YWHAG: variants seen among roughly 807,000 people sequenced by gnomAD.
YWHAG encodes the protein 14-3-3 protein gamma.
In YWHAG, 1 loss-of-function variant was observed where a neutral mutation model predicts 23.3. The ratio of observed to expected loss-of-function variants is 0.04; its 90% CI spans 0.02 to 0.20. YWHAG has a LOEUF of 0.20. YWHAG is among the 10% of genes least tolerant of loss of function. The pLI is 1.00. For synonymous variants in YWHAG, 160 were observed against 144.0 expected (o/e 1.11, Z -0.80); for missense variants, 151 against 338.6 (o/e 0.45, Z 4.35).
chr7:76,341,468 A>G (rs1485122952), intron 1 of YWHAG, among the ~76,000 whole-genome samples: 2 of 151,600 alleles, frequency 1.3e-5, no homozygotes, highest in African/African-American at 2.4e-5. Context: ...GTTAGTCCTA[A>G]GAGCCAAAAG....
At chr7:76,333,162 G>A (rs1481171926) in intron 1 of YWHAG, among the ~76,000 whole-genome samples, 1 of 152,060 alleles carries the variant, frequency 6.6e-6, no homozygotes, top group African/African-American at 2.4e-5. Flanking sequence ...TAGAGACAAG[G>A]TCTTGCCATG....
chr7:76,355,089 A>T (rs1250611302), intron 1 of YWHAG, among the ~76,000 whole-genome samples: 1 of 152,214 alleles, frequency 6.6e-6, no homozygotes, highest in Non-Finnish European at 1.5e-5. Context: ...CCAGACCGGC[A>T]TCACTTTTTA....
intron 1 of YWHAG, among the ~76,000 whole-genome samples, chr7:76,338,797 T>C (rs1803650804): frequency 6.6e-6 from 1 of 152,342 alleles, no homozygotes; most frequent in South Asian, 2.1e-4. Flanking sequence ...CAAGGCTTCA[T>C]TGTGAAGGTG....
intron 1 of YWHAG, among the ~76,000 whole-genome samples, chr7:76,332,666 G>A (rs1047455137): frequency 4.0e-5 from 6 of 151,460 alleles, no homozygotes; most frequent in Non-Finnish European, 5.9e-5. Flanking sequence ...GACTACAGGT[G>A]TGCACCACCA....
intron 1 of YWHAG, among the ~76,000 whole-genome samples, chr7:76,338,660 T>G (rs1803649361): frequency 6.6e-6 from 1 of 152,066 alleles, no homozygotes; most frequent in Admixed American, 6.6e-5. Flanking sequence ...AGAGAATTTC[T>G]AAGATCAATC....
chr7:76,336,371 T>C (rs1803615087), intron 1 of YWHAG, among the ~76,000 whole-genome samples: 1 of 152,006 alleles, frequency 6.6e-6, no homozygotes, highest in South Asian at 2.1e-4. Flanking sequence ...GGAAGAAGGC[T>C]GTGCTTGTGT....
intron 1 of YWHAG, among the ~76,000 whole-genome samples, chr7:76,347,359 G>A (rs560907678): frequency 1.1e-4 from 17 of 152,324 alleles, no homozygotes; most frequent in South Asian, 4.1e-4. Flanking sequence ...CACTTTGGGA[G>A]GCCAAGGCAG....
chr7:76,355,360 G>A (rs1262779082), intron 1 of YWHAG, among the ~76,000 whole-genome samples: 1 of 152,238 alleles, frequency 6.6e-6, no homozygotes, highest in Non-Finnish European at 1.5e-5. Flanking sequence ...CAATGAGGAT[G>A]AACATTTAGC....
chr7:76,336,302 G>A (rs1488527660), intron 1 of YWHAG, among the ~76,000 whole-genome samples: 2 of 152,124 alleles, frequency 1.3e-5, no homozygotes, highest in Non-Finnish European at 2.9e-5. Flanking sequence ...TGTGGACCTT[G>A]GGTGATAATG....
Position 76,327,288 on chromosome 7 carries a change from C to T in YWHAG, c.*2289G>A, listed in dbSNP as rs1175496081. ...TTTTTGTCATAGGAATACATAACAC[C>T]TACAGTATAAGTTAATCAATTTCAA... On this transcript the variant is annotated 3_prime_UTR_variant, in exon 2 of 2. Coordinates refer to ENST00000307630, the MANE Select transcript of YWHAG (RefSeq NM_012479.4). 2.0e-5 allele frequency: 3 copies of T among 151,226 alleles called. No homozygotes were observed. The highest frequency in any genetic ancestry group is 4.4e-5 in the Non-Finnish European group (3 of 67,874). The allele number at this position is 151,226 out of a possible 1,614,324, so 9.4% of individuals were successfully genotyped here.
intron 1 of YWHAG, among the ~76,000 whole-genome samples, chr7:76,346,859 T>C (rs1202556742): frequency 1.3e-5 from 2 of 152,196 alleles, no homozygotes; most frequent in African/African-American, 4.8e-5. Flanking sequence ...CTTCGTGAAC[T>C]GTTTCCTGTT....
Position 76,329,509 on chromosome 7 carries a change from C to CCCCCACA in YWHAG, c.*67_*68insTGTGGGG. ...CCCTTTCCCTCCCCCACCCGACCCC[C>CCCCCACA]AACTCATGGGAAAAAAATAAAGACT... On this transcript the variant is annotated 3_prime_UTR_variant, in exon 2 of 2. Transcript: ENST00000307630. This position sits in a 1 kb window ranked among gnomAD's most constrained non-coding sequence, Gnocchi z 6.1. 1 of 1,421,576 alleles carries CCCCCACA rather than the reference C, an allele frequency of 7.0e-7. No homozygotes were observed. Among genetic ancestry groups the CCCCCACA allele is most frequent in the Non-Finnish European group, 9.4e-7 (1 of 1,069,516 alleles). 88.1% of individuals were successfully genotyped at this position (1,421,576 alleles called of 1,614,324 possible).
intron 1 of YWHAG, among the ~76,000 whole-genome samples, chr7:76,346,194 G>A (rs1803777181): frequency 6.6e-6 from 1 of 152,118 alleles, no homozygotes; most frequent in Admixed American, 6.6e-5. Context: ...TAACCCTGAT[G>A]ACCGCTCTTT....
intron 1 of YWHAG, among the ~76,000 whole-genome samples, chr7:76,356,641 T>TC (rs1483323461): frequency 6.6e-6 from 1 of 152,238 alleles, no homozygotes; most frequent in Non-Finnish European, 1.5e-5. Flanking sequence ...TTTCTTTTAT[T>TC]CCATAAATTA....
intron 1 of YWHAG, 122 bp downstream of exon 1, chr7:76,358,600 G>T: frequency 9.9e-7 from 1 of 1,007,550 alleles, no homozygotes; most frequent in Non-Finnish European, 1.4e-6. Flanking sequence ...GCCCCCCTCA[G>T]TGAGCGAGAC....
chr7:76,331,549 A>ATT (rs774893313), intron 1 of YWHAG, among the ~76,000 whole-genome samples: 10 of 140,654 alleles, frequency 7.1e-5, no homozygotes, highest in African/African-American at 2.3e-4. Context: ...TCTTTTTGCG[A>ATT]TTTTTTTTTT....
rs562261196 is a variant in YWHAG, at chr7:76,334,013, G to A, written c.88-3780C>T. The stretch of plus-strand genomic sequence containing the variant: ...GCTGTCCCCAGACACATTGGAACAA[G>A]GAGATTATGAAATGCCAGGATCACC... On this transcript the variant is annotated intron_variant, in intron 1 of 1. Transcript: ENST00000307630. Among the ~76,000 whole-genome samples, 19 of 152,324 alleles carry A rather than the reference G, an allele frequency of 1.2e-4. No individual in the cohort carries two copies. The South Asian group carries it at 3.7e-3, about 30-fold the overall frequency.
At position 76,329,617 on chromosome 7, in the gene YWHAG, C is replaced by G. The variant is rs1236846905; in HGVS notation, c.704G>C (p.Ser235Thr). 1.9e-6 allele frequency: 3 copies of G among 1,612,922 alleles called. No homozygotes were observed. The African/African-American group carries it at 4.0e-5, about 22-fold the overall frequency. ...GCCGCCATCGTCGTCCTGCTGGTCGCTCGTCCAGAGCGTGAGGTTGTCGCG... is the reference window on the plus strand; with the variant it reads ...GCCGCCATCGTCGTCCTGCTGGTCGGTCGTCCAGAGCGTGAGGTTGTCGCG... ...LLRDNLTLWT[S>T]DQQDDDGGEG... The change falls in exon 2 of 2, where the codon AGC becomes ACC. Residue 235 changes from serine to threonine, a missense_variant. Transcript: ENST00000307630. This position sits in a 1 kb window ranked among gnomAD's most constrained non-coding sequence, Gnocchi z 6.1.
Position 76,358,950 on chromosome 7 carries a change from C to T in YWHAG, c.-142G>A, listed in dbSNP as rs1396816137. The T allele has an allele frequency of 3.0e-5, 22 of 721,640 alleles. No individual in the cohort carries two copies. In the South Asian group the frequency reaches 5.4e-4, roughly 18 times the overall value. The allele number at this position is 721,640 out of a possible 1,614,324, so 44.7% of individuals were successfully genotyped here. On this transcript the variant is annotated 5_prime_UTR_variant, in exon 1 of 2. Coordinates refer to ENST00000307630, the MANE Select transcript of YWHAG (RefSeq NM_012479.4). ...TGAGGCGGCGGCTGCGCGGAGGAGG[C>T]GGCTGGAGCTGCGACCGCGGGACCG...
Sources: gnomAD v4.1 joint callset for allele counts (sites outside exome capture counted in the v4.1 genomes callset) on GRCh38, gnomAD v4.1.1 for gene constraint, Gnocchi (gnomAD v3.1) non-coding constraint, MANE v1.5 for transcripts, NCBI Gene and HGNC (gene_info 2026-07-23, HGNC 2026-07-21) for gene names.